Variants in DOCK4 observed in about 807,000 individuals in gnomAD.
DOCK4 encodes dedicator of cytokinesis protein 4.
DOCK4 carries 97 observed loss-of-function variants against 268.1 expected under a neutral mutation model. The ratio of observed to expected loss-of-function variants is 0.36; its 90% CI spans 0.31 to 0.43. The LOEUF is 0.43. Among genes scored for constraint, DOCK4 ranks in the 20% least tolerant of loss-of-function variants. The probability of loss-of-function intolerance (pLI) is 1.00; values close to 1 mark genes in which losing one functional copy is unlikely to be tolerated. For synonymous variants in DOCK4, 954 were observed against 887.2 expected (o/e 1.08, Z -1.34); for missense variants, 2,145 against 2,455.7 (o/e 0.87, Z 2.67).
chr7:111,987,286 C>T (rs1243817174), intron 6 of DOCK4, among the ~76,000 whole-genome samples: 1 of 152,164 alleles, frequency 6.6e-6, no homozygotes, highest in Non-Finnish European at 1.5e-5. Context: ...GTTTTTCCTT[C>T]CTTCCCCTTT....
At chr7:112,134,196 A>G (rs1814090705) in intron 1 of DOCK4, among the ~76,000 whole-genome samples, 1 of 152,224 alleles carries the variant, frequency 6.6e-6, no homozygotes, top group African/African-American at 2.4e-5. Flanking sequence ...AGATTAACAA[A>G]CAGGGTGGAG....
intron 25 of DOCK4, among the ~76,000 whole-genome samples, chr7:111,837,858 G>A (rs901494916): frequency 5.3e-5 from 8 of 151,856 alleles, no homozygotes; most frequent in Non-Finnish European, 1.0e-4. Flanking sequence ...AGGCTGAGGC[G>A]GGTGAGTCAC....
chr7:111,740,023 TA>T lies in DOCK4; in HGVS notation c.5041-547del, dbSNP rs370793455. 3.0e-3 allele frequency: 1,057 copies of T among 349,788 alleles called. 8 individuals are homozygous for T. The highest frequency in any genetic ancestry group is 4.5e-3 in the Non-Finnish European group (790 of 174,070). The allele number at this position is 349,788 out of a possible 1,614,324, so 21.7% of individuals were successfully genotyped here. On this transcript the variant is annotated intron_variant, in intron 47 of 52. Transcript: ENST00000428084. ...CCCTAAAAACTACATTTTTCTTGTA[TA>T]AAAAAAATACCTTTGGAAACTTTCT...
In DOCK4 at chr7:111,910,755, G is replaced by A. The variant is rs560020751; in HGVS notation, c.1192+5024C>T. On this transcript the variant is annotated intron_variant, in intron 13 of 52. Transcript: ENST00000428084. The stretch of plus-strand genomic sequence containing the variant: ...GTGGAACGCCTTCAATCAGTTATTT[G>A]GCTTGGAGGTGGCAGTGACAGAGCT... Among the ~76,000 whole-genome samples, 42 of 152,262 alleles carry A rather than the reference G, an allele frequency of 2.8e-4. 1 individual carries two copies. In the South Asian group the frequency reaches 8.3e-3, roughly 30 times the overall value.
intron 8 of DOCK4, among the ~76,000 whole-genome samples, chr7:111,951,992 A>T (rs1339940490): frequency 6.6e-6 from 1 of 152,016 alleles, no homozygotes; most frequent in Non-Finnish European, 1.5e-5. Context: ...GCACAGTGTC[A>T]CACTCCTGTT....
intron 50 of DOCK4, among the ~76,000 whole-genome samples, chr7:111,736,152 C>G (rs1345272595): frequency 2.0e-5 from 3 of 152,126 alleles, no homozygotes; most frequent in Non-Finnish European, 4.4e-5. Flanking sequence ...GCAGTGTACC[C>G]AAATGACAAT....
intron 44 of DOCK4, among the ~76,000 whole-genome samples, chr7:111,743,446 A>T (rs1450603488): frequency 6.6e-6 from 1 of 152,200 alleles, no homozygotes; most frequent in Admixed American, 6.5e-5. Flanking sequence ...CATAACAAAT[A>T]TCAAGGATGC....
At chr7:112,203,131 G>A (rs1053522063) in intron 1 of DOCK4, among the ~76,000 whole-genome samples, 5 of 152,178 alleles carry the variant, frequency 3.3e-5, no homozygotes, top group Non-Finnish European at 7.3e-5. Flanking sequence ...CTGGGACCCA[G>A]AAAGGCTAAG....
rs771879680 is a variant in DOCK4, at chr7:111,769,648, C to T, written c.3709G>A (p.Glu1237Lys). Residue 1237 changes from glutamate to lysine, a missense_variant, in exon 37 of 53, where the codon GAG becomes AAG. Glu to Lys is a moderately conservative substitution (Grantham distance 56). Transcript: ENST00000428084. ...EAAYTLLLYD[E>K]LLEWSDRPLR... ...GGCCGATCAGACCATTCCAGTAGCT[C>T]GTCATATAAGAGGAGGGTATATGCA... is the stretch of plus-strand genomic sequence containing the variant. 6 of 1,613,552 alleles carry T rather than the reference C, an allele frequency of 3.7e-6. No individual in the cohort carries two copies. The highest frequency in any genetic ancestry group is 5.1e-6 in the Non-Finnish European group (6 of 1,179,740).
chr7:112,151,763 G>GA (rs35436343), intron 1 of DOCK4, among the ~76,000 whole-genome samples: 53,422 of 139,268 alleles, frequency 0.38, 10,161 homozygotes, highest in Middle Eastern at 0.53. Flanking sequence ...TAGAGATGTG[G>GA]AAAAAAAAAA....
rs776473669 is a variant in DOCK4, at chr7:111,809,286, T to C, written c.3107+15A>G. 16 of 1,534,850 alleles carry C rather than the reference T, an allele frequency of 1.0e-5. No individual in the cohort carries two copies. The South Asian group carries it at 1.7e-4, about 16-fold the overall frequency. On this transcript the variant is annotated intron_variant, in intron 29 of 52. Coordinates refer to ENST00000428084, the MANE Select transcript of DOCK4 (RefSeq NM_001363540.2). ...AGAGGCAACATTTCTCACCTGATTA[T>C]ACACTGATACTTACTTTTCTAACAC...
At chr7:112,071,978 G>A (rs2135672762) in intron 1 of DOCK4, among the ~76,000 whole-genome samples, 1 of 152,270 alleles carries the variant, frequency 6.6e-6, no homozygotes, top group African/African-American at 2.4e-5. Context: ...ATCATAGATT[G>A]AAGTAGAATA....
intron 1 of DOCK4, among the ~76,000 whole-genome samples, chr7:112,130,221 T>C (rs1813678171): frequency 6.6e-6 from 1 of 152,110 alleles, no homozygotes; most frequent in Non-Finnish European, 1.5e-5. Flanking sequence ...GGACGGGGGC[T>C]GTGTGACAGT....
At chr7:112,124,842 T>A (rs1813069875) in intron 1 of DOCK4, among the ~76,000 whole-genome samples, 1 of 152,244 alleles carries the variant, frequency 6.6e-6, no homozygotes, top group Admixed American at 6.5e-5. Flanking sequence ...ATTCGTTTTT[T>A]TAACCACCTT....
chr7:111,734,796 C>G (rs1407110384), intron 51 of DOCK4, among the ~76,000 whole-genome samples: 1 of 152,084 alleles, frequency 6.6e-6, no homozygotes, highest in Non-Finnish European at 1.5e-5. Flanking sequence ...GGTGCCTCCC[C>G]GAATTTGAGA....
intron 5 of DOCK4, among the ~76,000 whole-genome samples, chr7:111,992,333 C>G (rs187192062): frequency 6.6e-6 from 1 of 152,264 alleles, no homozygotes; most frequent in African/African-American, 2.4e-5. Flanking sequence ...CCTAAACACA[C>G]TTGAGCATGA....
chr7:112,150,644 C>T (rs1411139242), intron 1 of DOCK4, among the ~76,000 whole-genome samples: 2 of 152,128 alleles, frequency 1.3e-5, no homozygotes, highest in African/African-American at 4.8e-5. Flanking sequence ...ATCTGCTCAG[C>T]TCATCCATTG....
At chr7:111,755,366 G>A (rs1796953576) in intron 42 of DOCK4, 149 bp downstream of exon 42, 1 of 694,490 alleles carries the variant, frequency 1.4e-6, no homozygotes, top group South Asian at 1.8e-5. Flanking sequence ...CTCAGCCTTG[G>A]TAATAGCGGT....
At chr7:112,066,172 A>G (rs562094336) in intron 1 of DOCK4, among the ~76,000 whole-genome samples, 1 of 152,222 alleles carries the variant, frequency 6.6e-6, no homozygotes, top group East Asian at 1.9e-4. Flanking sequence ...AGTGGGCTGC[A>G]CCCTCACCCA....
Sources: gnomAD v4.1 joint callset for allele counts (sites outside exome capture counted in the v4.1 genomes callset) on GRCh38, gnomAD v4.1.1 for gene constraint, MANE v1.5 for transcripts, NCBI Gene and HGNC (gene_info 2026-07-23, HGNC 2026-07-21) for gene names.